CPM: variants seen among roughly 807,000 people sequenced by gnomAD.
CPM encodes the protein carboxypeptidase M.
Under a neutral mutation model 46.4 loss-of-function variants are expected in CPM, and 35 were observed. That is an observed-to-expected ratio of 0.75 (90% CI 0.58 to 1.00). The LOEUF is 1.00. CPM is among the 50% of genes least tolerant of loss of function. The pLI is 0.00. For synonymous variants in CPM, 195 were observed against 195.3 expected (o/e 1.00, Z 0.01); for missense variants, 422 against 530.4 (o/e 0.80, Z 2.01).
chr12:68,931,598 A>G (rs1191932549), intron 2 of CPM, among the ~76,000 whole-genome samples: 1 of 151,934 alleles, frequency 6.6e-6, no homozygotes, highest in Non-Finnish European at 1.5e-5. Context: ...CAAAAAAATT[A>G]GCCAGCTGTG....
chr12:68,948,162 C>A (rs1398330256), intron 1 of CPM, among the ~76,000 whole-genome samples: 1 of 152,132 alleles, frequency 6.6e-6, no homozygotes, highest in Non-Finnish European at 1.5e-5. Context: ...CTAACTGTCC[C>A]CTTGATCTGT....
chr12:68,936,920 C>G (rs1465249474), upstream of CPM, among the ~76,000 whole-genome samples: 1 of 152,138 alleles, frequency 6.6e-6, no homozygotes, highest in Non-Finnish European at 1.5e-5. Context: ...AGCAGTAACA[C>G]AAATAGCTAA....
rs1231734823 is a variant in CPM at position 68,844,198 on chromosome 12, AT to A, written c.534-1870del. On this transcript the variant is annotated intron_variant, in intron 5 of 5. Transcript: ENST00000551897. ...TAAGAATTGTTTCAAGAATGCAATT[AT>A]TTGATCTTAAATTTTTATGAGTTGT... 68 of 209,190 alleles carry A rather than the reference AT, an allele frequency of 3.3e-4. No individual in the cohort carries two copies. In the East Asian group the frequency reaches 5.0e-3, roughly 15 times the overall value. 13.0% of individuals were successfully genotyped at this position (209,190 alleles called of 1,614,324 possible).
chr12:68,903,997 C>T (rs1046265090), intron 2 of CPM, among the ~76,000 whole-genome samples: 1 of 152,082 alleles, frequency 6.6e-6, no homozygotes, highest in African/African-American at 2.4e-5. Flanking sequence ...GGTGATCCTC[C>T]CGCCTTGCCC....
chr12:68,915,180 A>G (rs968579187), intron 2 of CPM, among the ~76,000 whole-genome samples: 1 of 151,988 alleles, frequency 6.6e-6, no homozygotes, highest in Non-Finnish European at 1.5e-5. Context: ...GAGTCAAAAT[A>G]TTTTCCCTAT....
Position 68,885,984 on chromosome 12 carries a change from C to A in CPM, c.161-95G>T, listed in dbSNP as rs79448109. On this transcript the variant is annotated intron_variant, in intron 2 of 8. Coordinates refer to ENST00000551568, the MANE Select transcript of CPM (RefSeq NM_198320.5). ...ACTAGGAAACAGGATGCTGCTTCCCCCACTTGATCGCCTGTTTCATGGTGA... is the reference window on the plus strand; with the variant it reads ...ACTAGGAAACAGGATGCTGCTTCCCACACTTGATCGCCTGTTTCATGGTGA... 1.2e-4 allele frequency: 121 copies of A among 981,324 alleles called. No homozygotes were observed. In the East Asian group the frequency reaches 2.9e-3, roughly 24 times the overall value. 60.8% of individuals were successfully genotyped at this position (981,324 alleles called of 1,614,324 possible). A position where few individuals can be genotyped will look rare whatever the true frequency, so the allele number is the denominator to read the frequency against.
At chr12:68,955,035 G>A (rs866101430) in intron 1 of CPM, among the ~76,000 whole-genome samples, 146 of 152,206 alleles carry the variant, frequency 9.6e-4, no homozygotes, top group African/African-American at 3.4e-3. Context: ...TGGACCCTGC[G>A]CTTGCTTGCC....
At chr12:68,908,532 C>T (rs59376856) in intron 2 of CPM, among the ~76,000 whole-genome samples, 3,733 of 151,988 alleles carry the variant, frequency 0.025, 130 homozygotes, top group African/African-American at 0.083. Context: ...TTCTGCTTAC[C>T]AAAGTCATAC....
chr12:68,922,752 CAG>C (rs1298853467), intron 2 of CPM, among the ~76,000 whole-genome samples: 6 of 151,608 alleles, frequency 4.0e-5, no homozygotes, highest in African/African-American at 1.5e-4. Flanking sequence ...CCTCAGAAAA[CAG>C]AGATGAGAAA....
chr12:68,874,562 G>A (rs1885856297), intron 3 of CPM, among the ~76,000 whole-genome samples: 1 of 152,094 alleles, frequency 6.6e-6, no homozygotes. Flanking sequence ...GTTGCAATGA[G>A]CCGAGATCGC....
At chr12:68,844,338 T>C (rs1212047195) in intron 5 of CPM, 1 of 223,770 alleles carries the variant, frequency 4.5e-6, no homozygotes, top group Non-Finnish European at 8.9e-6. Flanking sequence ...CAAATATCAC[T>C]GGGCAGCTTG....
chr12:68,866,838 G>T lies in CPM; in HGVS notation c.940+58C>A. On this transcript the variant is annotated intron_variant, in intron 7 of 8. Transcript: ENST00000551568. ...AGGCTTGCGTTTAGTCAACCCAGAG[G>T]TCTTGCCAGATGCTCTATTTTGTAT... The T allele has an allele frequency of 2.1e-6, 3 of 1,460,542 alleles. No individual in the cohort carries two copies. The South Asian group carries it at 3.6e-5, about 17-fold the overall frequency. 90.5% of individuals were successfully genotyped at this position (1,460,542 alleles called of 1,614,324 possible).
chr12:68,847,485 G>A (rs949075932), downstream of CPM: 2 of 108,826 alleles, frequency 1.8e-5, no homozygotes, highest in African/African-American at 4.0e-5. Context: ...ACGGAGTCCC[G>A]CTGTTTAGCC....
In CPM at chr12:68,890,927, G is replaced by A. The variant is rs1047884146; in HGVS notation, c.161-5038C>T. Among the ~76,000 whole-genome samples the A allele has an allele frequency of 5.3e-5, 8 of 152,252 alleles. No individual in the cohort carries two copies. The East Asian group carries it at 7.7e-4, about 15-fold the overall frequency. On this transcript the variant is annotated intron_variant, in intron 2 of 8. Coordinates refer to ENST00000551568, the MANE Select transcript of CPM (RefSeq NM_198320.5). ...CAGTTTTTCGTGAGGCTTGTTGTGT[G>A]TTTGGTCTGATACATAAAGTTCTGG... is the stretch of plus-strand genomic sequence containing the variant.
At chr12:68,858,885 TA>T in intron 8 of CPM, 37 bp downstream of exon 8, 1 of 1,296,340 alleles carries the variant, frequency 7.7e-7, no homozygotes, top group Non-Finnish European at 1.0e-6. Context: ...ATGAGTTCTA[TA>T]ATATTTTAAT....
chr12:68,889,199 G>T (rs1414702974), intron 2 of CPM, among the ~76,000 whole-genome samples: 2 of 152,184 alleles, frequency 1.3e-5, no homozygotes, highest in African/African-American at 2.4e-5. Context: ...TTGAGAGGTA[G>T]TTGATATTTA....
intron 1 of CPM, among the ~76,000 whole-genome samples, chr12:68,953,460 T>C (rs1888967939): frequency 6.6e-6 from 1 of 152,248 alleles, no homozygotes. Context: ...TGTATTTATT[T>C]TTTCCTTATT....
At chr12:68,951,227 A>G (rs80219188) in intron 1 of CPM, among the ~76,000 whole-genome samples, 1,795 of 152,326 alleles carry the variant, frequency 0.012, 39 homozygotes, top group African/African-American at 0.041. Flanking sequence ...TTGTGATATA[A>G]TAAATAAAAA....
intron 2 of CPM, among the ~76,000 whole-genome samples, chr12:68,921,563 C>A (rs576932405): frequency 1.3e-5 from 2 of 152,184 alleles, no homozygotes; most frequent in South Asian, 4.2e-4. Context: ...TGGGGGTAGA[C>A]CCATTTTAGG....
Sources: gnomAD v4.1 joint callset for allele counts (sites outside exome capture counted in the v4.1 genomes callset) on GRCh38, gnomAD v4.1.1 for gene constraint, MANE v1.5 for transcripts, NCBI Gene and HGNC (gene_info 2026-07-23, HGNC 2026-07-21) for gene names.